CACNA1D: variants seen among roughly 807,000 people sequenced by gnomAD.
CACNA1D encodes calcium voltage-gated channel subunit alpha1 D.
A neutral mutation model predicts 257.1 loss-of-function variants in CACNA1D; 55 were observed. That is an observed-to-expected ratio of 0.21 (90% CI 0.17 to 0.27). The LOEUF is 0.27. CACNA1D is among the 10% of genes least tolerant of loss of function. CACNA1D has a pLI of 1.00. For synonymous variants in CACNA1D, 980 were observed against 1,014.9 expected, an observed-to-expected ratio of 0.97 and a Z score of 0.65; for missense variants, 1,876 against 2,784.0, an observed-to-expected ratio of 0.67 and a Z score of 7.34.
intron 40 of CACNA1D, among the ~76,000 whole-genome samples, chr3:53,799,610 G>A (rs1013872035): frequency 6.6e-6 from 1 of 152,228 alleles, no homozygotes; most frequent in Non-Finnish European, 1.5e-5. Context: ...CTGCACACAG[G>A]CTACAGGCCA....
intron 4 of CACNA1D, among the ~76,000 whole-genome samples, chr3:53,654,499 CTG>C (rs2094129719): frequency 6.6e-6 from 1 of 152,286 alleles, no homozygotes; most frequent in African/African-American, 2.4e-5. Context: ...TGAAGATAGA[CTG>C]TGATACCTTT....
intron 9 of CACNA1D, among the ~76,000 whole-genome samples, chr3:53,707,168 A>G (rs981999518): frequency 1.3e-4 from 20 of 152,144 alleles, no homozygotes; most frequent in Admixed American, 3.9e-4. Context: ...CTGATCTGCT[A>G]AATGTCACTG....
intron 3 of CACNA1D, among the ~76,000 whole-genome samples, chr3:53,641,997 C>T (rs1375145515): frequency 1.3e-5 from 2 of 152,192 alleles, no homozygotes; most frequent in Non-Finnish European, 2.9e-5. Context: ...TTAGGTGGGA[C>T]TCCTTCATTT....
chr3:53,762,728 T>C, intron 30 of CACNA1D: 1 of 398,462 alleles, frequency 2.5e-6, no homozygotes, highest in African/African-American at 2.1e-5. Flanking sequence ...CTCCACACAC[T>C]TTAGAAATCC....
At chr3:53,786,572 T>G in intron 39 of CACNA1D, 1 of 504,444 alleles carries the variant, frequency 2.0e-6, no homozygotes, top group East Asian at 3.7e-5. Flanking sequence ...ATAACAAATA[T>G]ATTATTTTCT....
chr3:53,578,155 T>C (rs553780447), intron 3 of CACNA1D, among the ~76,000 whole-genome samples: 16 of 150,342 alleles, frequency 1.1e-4, no homozygotes, highest in Admixed American at 5.3e-4. Context: ...GTGTAGATTC[T>C]GTGGTATAAG....
intron 40 of CACNA1D, among the ~76,000 whole-genome samples, chr3:53,788,387 C>G (rs1158423609): frequency 6.6e-6 from 1 of 152,178 alleles, no homozygotes; most frequent in Non-Finnish European, 1.5e-5. Flanking sequence ...GTCACACAGC[C>G]CATTGGCATC....
At chr3:53,549,903 T>C (rs2092494225) in intron 3 of CACNA1D, among the ~76,000 whole-genome samples, 1 of 152,152 alleles carries the variant, frequency 6.6e-6, no homozygotes, top group Admixed American at 6.5e-5. Context: ...TTAGAGAGTG[T>C]AGGGGAAAGA....
chr3:53,503,784 G>T (rs961270007), intron 3 of CACNA1D, among the ~76,000 whole-genome samples: 4 of 151,584 alleles, frequency 2.6e-5, no homozygotes, highest in Admixed American at 2.0e-4. Flanking sequence ...TTTGTGGGGG[G>T]GGATTTGGCA....
At chr3:53,508,950 C>T (rs574226966) in intron 3 of CACNA1D, among the ~76,000 whole-genome samples, 16 of 152,106 alleles carry the variant, frequency 1.1e-4, no homozygotes, top group Admixed American at 2.6e-4. Context: ...GGGGTGTCGG[C>T]GGGTGTCCCT....
In CACNA1D at chr3:53,801,369, G is replaced by T; in HGVS notation, c.5352G>T (p.Gly1784=). Residue 1784 remains glycine (G), a synonymous_variant, in exon 42 of 48, where the codon GGG becomes GGT. Coordinates refer to ENST00000350061, the MANE Select transcript of CACNA1D (RefSeq NM_001128840.3). ...ACCTTGAGCATGTGTCTGAAAATGG[G>T]CATCATTCTTCCCACAAGCATGACC... The part of the protein sequence containing the change: ...IGNLEHVSEN[G]HHSSHKHDRE... 2 of 1,614,166 alleles carry T rather than the reference G, an allele frequency of 1.2e-6. No individual in the cohort carries two copies. Among genetic ancestry groups the T allele is most frequent in the Non-Finnish European group, 1.7e-6 (2 of 1,180,016 alleles).
chr3:53,540,280 G>A (rs752592714), intron 3 of CACNA1D, among the ~76,000 whole-genome samples: 6 of 151,270 alleles, frequency 4.0e-5, no homozygotes, highest in Non-Finnish European at 5.9e-5. Context: ...CACCATGCCC[G>A]GCTAATTTTT....
At chr3:53,502,056 T>C (rs1282681504) in intron 3 of CACNA1D, among the ~76,000 whole-genome samples, 1 of 151,798 alleles carries the variant, frequency 6.6e-6, no homozygotes, top group Non-Finnish European at 1.5e-5. Context: ...TCTTTTCTTT[T>C]TTTTTTTTTG....
At chr3:53,776,990 C>A in intron 37 of CACNA1D, 34 bp downstream of exon 37, 1 of 1,478,780 alleles carries the variant, frequency 6.8e-7, no homozygotes, top group Non-Finnish European at 9.5e-7. Flanking sequence ...GACAGCCTGT[C>A]TTGTAGAAGC....
chr3:53,554,647 A>G (rs2092604892), intron 3 of CACNA1D, among the ~76,000 whole-genome samples: 2 of 152,164 alleles, frequency 1.3e-5, no homozygotes, highest in Admixed American at 1.3e-4. Flanking sequence ...AAGGGTAGGG[A>G]TTAGATTCTT....
At chr3:53,674,872 T>A (rs1390331645) in intron 8 of CACNA1D, among the ~76,000 whole-genome samples, 1 of 152,200 alleles carries the variant, frequency 6.6e-6, no homozygotes, top group African/African-American at 2.4e-5. Flanking sequence ...GTTGATGGAT[T>A]TGATTCCAGG....
At chr3:53,653,527 C>A (rs1310870262) in intron 4 of CACNA1D, among the ~76,000 whole-genome samples, 2 of 151,672 alleles carry the variant, frequency 1.3e-5, no homozygotes, top group Admixed American at 6.6e-5. Flanking sequence ...TAAAAAAAAA[C>A]AAATGGAACT....
chr3:53,589,943 G>A (rs1015166933), intron 3 of CACNA1D, among the ~76,000 whole-genome samples: 2 of 152,172 alleles, frequency 1.3e-5, no homozygotes, highest in Non-Finnish European at 2.9e-5. Flanking sequence ...CACCAGCCTT[G>A]CCCTTCTCTC....
At chr3:53,500,843 A>G (rs1304532537) in intron 2 of CACNA1D, among the ~76,000 whole-genome samples, 1 of 152,246 alleles carries the variant, frequency 6.6e-6, no homozygotes, top group African/African-American at 2.4e-5. Context: ...GACCACCAAG[A>G]TTGAGAAATG....
Sources: allele counts gnomAD v4.1 joint callset (sites outside exome capture counted in the v4.1 genomes callset), GRCh38; gene constraint gnomAD v4.1.1; transcripts MANE v1.5; gene names NCBI Gene and HGNC (gene_info 2026-07-23, HGNC 2026-07-21).